FANCA: variants seen among roughly 807,000 people sequenced by gnomAD.
The protein encoded by FANCA is Fanconi anemia group A protein.
Under a neutral mutation model 194.3 loss-of-function variants are expected in FANCA, and 236 were observed. The ratio of observed to expected loss-of-function variants is 1.21; its 90% confidence interval spans 1.09 to 1.35. The LOEUF (loss-of-function observed/expected upper bound fraction) is 1.35. Ranked by LOEUF, FANCA falls within the 40% of genes most tolerant of loss-of-function variation. The probability of loss-of-function intolerance (pLI) is 0.00; values close to 1 mark genes in which losing one functional copy is unlikely to be tolerated. For missense variants in FANCA, 2,628 were observed against 1,813.9 expected (o/e 1.45, Z -8.15); for synonymous variants, 1,014 against 715.8 (o/e 1.42, Z -6.65).
intron 36 of FANCA, chr16:89,744,755 C>T (rs2062206148): frequency 3.2e-6 from 2 of 615,470 alleles, no homozygotes; most frequent in Non-Finnish European, 6.0e-6. Context: ...CTCCTGGGTT[C>T]AACTGATTCT....
chr16:89,808,198 C>T, intron 6 of FANCA, 96 bp downstream of exon 6: 3 of 1,193,902 alleles, frequency 2.5e-6, no homozygotes, highest in South Asian at 2.4e-5. Context: ...ATGTCAAAGC[C>T]AGAAATCAAA....
At chr16:89,781,627 G>T (rs2143447905) in intron 17 of FANCA, among the ~76,000 whole-genome samples, 1 of 149,470 alleles carries the variant, frequency 6.7e-6, no homozygotes, top group Middle Eastern at 3.5e-3. Context: ...AGTAAGCTGA[G>T]ATCGCACCAC....
In FANCA at chr16:89,739,858, A is replaced by C. The variant is rs764519036; in HGVS notation, c.3934+136T>G. The C allele has an allele frequency of 7.2e-6, 11 of 1,531,014 alleles. No individual in the cohort carries two copies. In the South Asian group the frequency reaches 1.4e-4, roughly 20 times the overall value. 94.8% of individuals were successfully genotyped at this position (1,531,014 alleles called of 1,614,324 possible). The stretch of plus-strand genomic sequence containing the variant: ...TATTGCTTTAAACAAGTTTGTGCTT[A>C]ATCTGTCCCAACTAAAATGGAGCTT... On this transcript the variant is annotated intron_variant, in intron 39 of 42. Transcript: ENST00000389301.
At chr16:89,790,331 T>C (rs561981502) in intron 14 of FANCA, among the ~76,000 whole-genome samples, 4 of 150,810 alleles carry the variant, frequency 2.7e-5, no homozygotes, top group Non-Finnish European at 5.9e-5. Flanking sequence ...GAGGAGGAGG[T>C]TGCAGTGAGC....
Position 89,815,915 on chromosome 16 carries a change from G to A in FANCA, c.151C>T (p.Leu51=), listed in dbSNP as rs1287320584. ...GCATTCAGGTCCTGATGGCTTCGCA[G>A]GAGGCGCACAGCTGATTCCTTTAAT... is the stretch of plus-strand genomic sequence containing the variant. ...QKLKESAVRL[L]RSHQDLNALL... is the part of the protein sequence containing the mutation. Residue 51 remains leucine (L), a synonymous_variant, in exon 2 of 43, where the codon CTG becomes TTG. Coordinates refer to ENST00000389301, the MANE Select transcript of FANCA (RefSeq NM_000135.4). 2 of 1,614,178 alleles carry A rather than the reference G, an allele frequency of 1.2e-6. No individual in the cohort carries two copies. The highest frequency in any genetic ancestry group is 1.1e-5 in the South Asian group (1 of 91,090).
intron 30 of FANCA, among the ~76,000 whole-genome samples, chr16:89,757,513 C>G (rs2038805626): frequency 6.6e-6 from 1 of 152,220 alleles, no homozygotes; most frequent in Admixed American, 6.5e-5. Context: ...CTACATGATT[C>G]TGTTGATATT....
At chr16:89,772,491 G>A (rs1224191864) in intron 22 of FANCA, among the ~76,000 whole-genome samples, 1 of 152,108 alleles carries the variant, frequency 6.6e-6, no homozygotes. Flanking sequence ...GGGTGACAGA[G>A]CAAGACTCCG....
intron 30 of FANCA, among the ~76,000 whole-genome samples, chr16:89,757,236 A>G (rs543096848): frequency 1.4e-4 from 22 of 152,216 alleles, no homozygotes; most frequent in South Asian, 8.3e-4. Flanking sequence ...CTGAGATTCC[A>G]GGCATGAGCC....
At chr16:89,739,590 A>G in intron 39 of FANCA, 37 bp from the exon 40 acceptor site, 2 of 1,546,546 alleles carry the variant, frequency 1.3e-6, no homozygotes, top group Non-Finnish European at 1.7e-6. Context: ...AACTCTGGAC[A>G]TCTCTGCCTA....
intron 30 of FANCA, among the ~76,000 whole-genome samples, chr16:89,755,505 C>T (rs1218578716): frequency 6.6e-6 from 1 of 152,000 alleles, no homozygotes; most frequent in Non-Finnish European, 1.5e-5. Flanking sequence ...GTGGCTGGCC[C>T]AAAATGTTTT....
At chr16:89,746,720 G>A (rs375662180) in intron 34 of FANCA, 32 bp from the exon 35 acceptor site, 1 of 1,607,838 alleles carries the variant, frequency 6.2e-7, no homozygotes, top group Non-Finnish European at 8.5e-7. Flanking sequence ...GAGGTCAGCG[G>A]TTTGTGAGGA....
intron 8 of FANCA, 106 bp downstream of exon 8, chr16:89,803,153 T>G (rs1381024220): frequency 9.2e-7 from 1 of 1,084,002 alleles, no homozygotes; most frequent in Non-Finnish European, 1.4e-6. Context: ...ACCCCGTAAA[T>G]AGGTACAAAC....
At chr16:89,775,321 C>A (rs1168882395) in intron 21 of FANCA, among the ~76,000 whole-genome samples, 2 of 152,204 alleles carry the variant, frequency 1.3e-5, no homozygotes, top group Non-Finnish European at 2.9e-5. Flanking sequence ...GCCAAAAGAG[C>A]CTGACTTCTA....
chr16:89,788,726 G>A (rs976073203), intron 14 of FANCA, among the ~76,000 whole-genome samples: 1 of 151,786 alleles, frequency 6.6e-6, no homozygotes, highest in Non-Finnish European at 1.5e-5. Flanking sequence ...CTTGACCCCA[G>A]GAGGTAAAGG....
At chr16:89,790,472 T>C (rs1406549658) in intron 14 of FANCA, among the ~76,000 whole-genome samples, 1 of 151,724 alleles carries the variant, frequency 6.6e-6, no homozygotes, top group African/African-American at 2.4e-5. Flanking sequence ...GGCTCATGCC[T>C]GTAATCCCAG....
rs148100796 is a variant in FANCA, at chr16:89,799,197, C to A, written c.862G>T (p.Glu288Ter). ...LDALAAGVQE[E>*]SSTHKIVRCW... ...CTCACGATCTTGTGAGTGGAGGACT[C>A]CTCCTGTACTCCAGCAGCCAAAGCG... The change falls in exon 10 of 43, where the codon GAG (glutamate) becomes TAG (stop). Residue 288 changes from glutamate (E) to a stop codon, truncating the protein, a stop_gained. Coordinates refer to ENST00000389301, the MANE Select transcript of FANCA (RefSeq NM_000135.4). LOFTEE classifies it high-confidence loss of function. 7.5e-5 allele frequency: 121 copies of A among 1,614,034 alleles called. No individual in the cohort carries two copies. The highest frequency in any genetic ancestry group is 9.2e-5 in the Non-Finnish European group (109 of 1,180,058).
chr16:89,745,410 T>TG (rs71391279), intron 35 of FANCA, among the ~76,000 whole-genome samples: 3 of 148,546 alleles, frequency 2.0e-5, no homozygotes, highest in Non-Finnish European at 3.0e-5. Flanking sequence ...GGGACCACAC[T>TG]CCTCTGAGCT....
At position 89,742,954 on chromosome 16, in the gene FANCA, C is replaced by A. The variant is rs369154534; in HGVS notation, c.3627-16G>T. On this transcript the variant is annotated splice_polypyrimidine_tract_variant and intron_variant, in intron 36 of 42. Coordinates refer to ENST00000389301, the MANE Select transcript of FANCA (RefSeq NM_000135.4). ...GGAGAGGAAACTGGGACAGAGAGAA[C>A]GGGGTCATTGCAGGGCCTTACAACC... The A allele has an allele frequency of 1.9e-6, 3 of 1,613,050 alleles. No individual in the cohort carries two copies. Among genetic ancestry groups the A allele is most frequent in the South Asian group, 1.1e-5 (1 of 91,054 alleles).
intron 35 of FANCA, 59 bp downstream of exon 35, chr16:89,746,525 A>G: frequency 7.6e-7 from 1 of 1,323,964 alleles, no homozygotes. Flanking sequence ...TGCCAGAGGC[A>G]GCTGTGGAGT....
Sources: allele counts gnomAD v4.1 joint callset (sites outside exome capture counted in the v4.1 genomes callset), GRCh38; gene constraint gnomAD v4.1.1; transcripts MANE v1.5; gene names NCBI Gene and HGNC (gene_info 2026-07-23, HGNC 2026-07-21).